The following ANKFY1 variants were observed in gnomAD, a reference collection of about 807,000 sequenced individuals.
The protein encoded by ANKFY1 is ankyrin repeat and FYVE domain containing 1, also known as ankyrin repeat and FYVE domain-containing protein 1.
In ANKFY1, 47 loss-of-function variants were observed where a neutral mutation model predicts 128.3. The ratio of observed to expected loss-of-function variants is 0.37; its 90% CI spans 0.29 to 0.47. ANKFY1 has a LOEUF of 0.47. ANKFY1 is among the 20% of genes least tolerant of loss of function. The pLI is 1.00. For synonymous variants in ANKFY1, 553 were observed against 601.6 expected (o/e 0.92, Z 1.18); for missense variants, 1,222 against 1,510.6 (o/e 0.81, Z 3.17).
At chr17:4,227,804 T>C (rs973247695) in intron 3 of ANKFY1, among the ~76,000 whole-genome samples, 1 of 152,182 alleles carries the variant, frequency 6.6e-6, no homozygotes, top group African/African-American at 2.4e-5. Flanking sequence ...AAAACTGCCA[T>C]GCACTCTGTA....
At chr17:4,201,478 GATTTTTTT>G (rs2059927033) in intron 7 of ANKFY1, among the ~76,000 whole-genome samples, 1 of 56,892 alleles carries the variant, frequency 1.8e-5, no homozygotes, top group African/African-American at 4.9e-5. Context: ...GCCTGTGTCT[GATTTTTTT>G]TTTTTTTTTT....
chr17:4,245,687 G>T (rs867456464), intron 1 of ANKFY1, among the ~76,000 whole-genome samples: 39 of 149,686 alleles, frequency 2.6e-4, no homozygotes, highest in African/African-American at 9.1e-4. Context: ...AGGCTGCAAA[G>T]AGCCGAGATT....
At position 4,179,785 on chromosome 17, in the gene ANKFY1, G is replaced by A; in HGVS notation, c.2333C>T (p.Ala778Val). ...TACTGTCTCTTCCAGCCCCCAAGAG[G>A]CTGCCAAATGCAAAGGGGTCTGCCC... is the stretch of plus-strand genomic sequence containing the variant. The part of the protein sequence containing the change: ...RDGQTPLHLA[A>V]SWGLEETVQC... Residue 778 changes from alanine (A) to valine (V), a missense_variant, in exon 17 of 25, where the codon GCC becomes GTC. Ala to Val is a moderately conservative substitution (Grantham distance 64). Transcript: ENST00000341657. 1 of 1,614,212 alleles carries A rather than the reference G, an allele frequency of 6.2e-7. No homozygotes were observed. Among genetic ancestry groups the A allele is most frequent in the Non-Finnish European group, 8.5e-7 (1 of 1,180,028 alleles).
At chr17:4,258,615 A>G (rs1360483452) in intron 1 of ANKFY1, among the ~76,000 whole-genome samples, 1 of 152,054 alleles carries the variant, frequency 6.6e-6, no homozygotes, top group Non-Finnish European at 1.5e-5. Context: ...GAACAGGACT[A>G]TCCAAAGCAC....
chr17:4,249,198 C>T, intron 1 of ANKFY1: 5 of 848,596 alleles, frequency 5.9e-6, no homozygotes, highest in Non-Finnish European at 7.1e-6. Flanking sequence ...GGCCACATAG[C>T]AAATATTTTA....
intron 19 of ANKFY1, among the ~76,000 whole-genome samples, chr17:4,176,075 A>G (rs1039551047): frequency 1.3e-5 from 2 of 151,986 alleles, no homozygotes; most frequent in South Asian, 2.1e-4. Context: ...CCCACATCCA[A>G]TCTGTTCCTG....
chr17:4,235,957 C>T, intron 2 of ANKFY1, 67 bp from the exon 3 acceptor site: 4 of 1,158,700 alleles, frequency 3.5e-6, no homozygotes, highest in Non-Finnish European at 3.9e-6. Flanking sequence ...CTAGGATTCA[C>T]AGCTGATAAA....
chr17:4,176,280 C>T (rs529061377), intron 19 of ANKFY1, among the ~76,000 whole-genome samples: 2 of 152,336 alleles, frequency 1.3e-5, no homozygotes, highest in African/African-American at 4.8e-5. Flanking sequence ...AACAGTGACA[C>T]CAAGGCGCCA....
At chr17:4,216,910 T>G in intron 4 of ANKFY1, 73 bp downstream of exon 4, 5 of 1,600,124 alleles carry the variant, frequency 3.1e-6, no homozygotes, top group Non-Finnish European at 4.3e-6. Flanking sequence ...AGAAGCTGTT[T>G]TCCCAGAGCT....
chr17:4,256,991 T>C (rs529509746), intron 1 of ANKFY1, among the ~76,000 whole-genome samples: 48 of 152,292 alleles, frequency 3.2e-4, no homozygotes, highest in African/African-American at 1.1e-3. Flanking sequence ...CTGGAAACAC[T>C]TCCAACTTAG....
At chr17:4,204,936 C>T (rs896357027) in intron 7 of ANKFY1, among the ~76,000 whole-genome samples, 1 of 152,134 alleles carries the variant, frequency 6.6e-6, no homozygotes, top group Admixed American at 6.5e-5. Flanking sequence ...ATTTTCCTCT[C>T]TACCAGCCAG....
Position 4,235,257 on chromosome 17 carries a change from C to T in ANKFY1, c.322+515G>A, listed in dbSNP as rs915235695. ...ACTCGGGAGGCTGAGGCACGAGAATCACTTGAACCTGGGAGGTGGAGGTTG... is the reference window on the plus strand; with the variant it reads ...ACTCGGGAGGCTGAGGCACGAGAATTACTTGAACCTGGGAGGTGGAGGTTG... On this transcript the variant is annotated intron_variant, in intron 3 of 24. Coordinates refer to ENST00000341657, the MANE Select transcript of ANKFY1 (RefSeq NM_001330063.2). Among the ~76,000 whole-genome samples the T allele has an allele frequency of 4.0e-5, 6 of 150,096 alleles. No individual in the cohort carries two copies. In the East Asian group the frequency reaches 7.8e-4, roughly 20 times the overall value.
At chr17:4,241,429 A>G (rs1555637789) in intron 2 of ANKFY1, among the ~76,000 whole-genome samples, 1 of 151,504 alleles carries the variant, frequency 6.6e-6, no homozygotes, top group Non-Finnish European at 1.5e-5. Context: ...ACAGGTGCCC[A>G]CCACCATGCG....
chr17:4,231,142 C>G (rs931810091), intron 3 of ANKFY1, among the ~76,000 whole-genome samples: 1 of 152,110 alleles, frequency 6.6e-6, no homozygotes, highest in African/African-American at 2.4e-5. Context: ...GAGAAATGTC[C>G]CTCAATTTGG....
chr17:4,179,562 G>T, intron 17 of ANKFY1, 159 bp downstream of exon 17: 1 of 931,712 alleles, frequency 1.1e-6, no homozygotes, highest in Non-Finnish European at 1.6e-6. Flanking sequence ...GCACAGAGAA[G>T]CACAGTCAGC....
intron 1 of ANKFY1, among the ~76,000 whole-genome samples, chr17:4,258,231 A>G (rs1968220385): frequency 6.6e-6 from 1 of 152,168 alleles, no homozygotes; most frequent in South Asian, 2.1e-4. Flanking sequence ...AAACAGATAA[A>G]TTTCAGAAGT....
At chr17:4,196,263 G>C (rs1379404705) in intron 8 of ANKFY1, among the ~76,000 whole-genome samples, 2 of 151,468 alleles carry the variant, frequency 1.3e-5, no homozygotes, top group African/African-American at 4.9e-5. Context: ...AATTATTTTA[G>C]GAAATAAGGT....
At position 4,172,544 on chromosome 17, in the gene ANKFY1, C is replaced by CAA; in HGVS notation, c.3139+11_3139+12insTT. On this transcript the variant is annotated intron_variant, in intron 22 of 24. Coordinates refer to ENST00000341657, the MANE Select transcript of ANKFY1 (RefSeq NM_001330063.2). ...CAAGTGAGACGGGACATACCCAGCC[C>CAA]TTGGTACACACCCGTGCTGCCGTCT... is the stretch of plus-strand genomic sequence containing the variant. 1 of 1,612,152 alleles carries CAA rather than the reference C, an allele frequency of 6.2e-7. No individual in the cohort carries two copies.
At chr17:4,219,725 A>T (rs973787630) in intron 3 of ANKFY1, among the ~76,000 whole-genome samples, 4 of 152,204 alleles carry the variant, frequency 2.6e-5, no homozygotes, top group Non-Finnish European at 5.9e-5. Flanking sequence ...AAAAAAAAGA[A>T]AAAGAAAAAG....
Sources: allele counts gnomAD v4.1 joint callset (sites outside exome capture counted in the v4.1 genomes callset), GRCh38; gene constraint gnomAD v4.1.1; transcripts MANE v1.5; gene names NCBI Gene and HGNC (gene_info 2026-07-23, HGNC 2026-07-21).